The following SCMH1 variants were observed in gnomAD, a reference collection of about 807,000 sequenced individuals.
SCMH1 encodes polycomb protein SCMH1.
In SCMH1, 37 loss-of-function variants were observed where a neutral mutation model predicts 70.8. The ratio of observed to expected loss-of-function variants is 0.52; its 90% CI spans 0.40 to 0.69. The LOEUF (loss-of-function observed/expected upper bound fraction) is 0.69, where lower values mean the gene tolerates loss of function less well. SCMH1 is among the 30% of genes least tolerant of loss of function. The pLI, the probability that SCMH1 is intolerant of heterozygous loss-of-function variation, is 0.00. For synonymous variants in SCMH1, 292 were observed against 307.4 expected (o/e 0.95, Z 0.52); for missense variants, 607 against 827.3 (o/e 0.73, Z 3.27).
At chr1:41,221,326 G>GTGGTGA (rs768095956) in intron 1 of SCMH1, among the ~76,000 whole-genome samples, 69 of 152,212 alleles carry the variant, frequency 4.5e-4, no homozygotes, top group Middle Eastern at 6.8e-3. Flanking sequence ...GAAGTGGATG[G>GTGGTGA]TGGTGATGGT....
intron 1 of SCMH1, among the ~76,000 whole-genome samples, chr1:41,220,364 A>T (rs759674263): frequency 3.3e-5 from 5 of 152,232 alleles, no homozygotes; most frequent in African/African-American, 4.8e-5. Flanking sequence ...ATAATAGTTA[A>T]TTTTCCCAAA....
At chr1:41,089,435 T>C (rs974889897) in intron 8 of SCMH1, among the ~76,000 whole-genome samples, 1 of 152,238 alleles carries the variant, frequency 6.6e-6, no homozygotes, top group African/African-American at 2.4e-5. Flanking sequence ...CCATGAGCTA[T>C]AACTTGAAAA....
At chr1:41,202,477 T>C (rs552973725) in intron 1 of SCMH1, among the ~76,000 whole-genome samples, 12 of 152,322 alleles carry the variant, frequency 7.9e-5, no homozygotes, top group Non-Finnish European at 1.0e-4. Flanking sequence ...CTGGAGTCCA[T>C]TGGACCAGGA....
chr1:41,067,777 TA>T (rs1558597531), intron 10 of SCMH1, among the ~76,000 whole-genome samples: 1 of 152,088 alleles, frequency 6.6e-6, no homozygotes, highest in Non-Finnish European at 1.5e-5. Context: ...ACACCAAGAG[TA>T]AACCCAAATG....
At chr1:41,207,584 T>C (rs1026907393) in intron 1 of SCMH1, among the ~76,000 whole-genome samples, 1 of 152,166 alleles carries the variant, frequency 6.6e-6, no homozygotes, top group Non-Finnish European at 1.5e-5. Flanking sequence ...TCCCATACAA[T>C]AATAATGGGA....
intron 1 of SCMH1, among the ~76,000 whole-genome samples, chr1:41,217,984 T>C (rs1658465128): frequency 6.6e-6 from 1 of 152,172 alleles, no homozygotes; most frequent in Non-Finnish European, 1.5e-5. Flanking sequence ...TGGAAGCAAA[T>C]AGCAACTTGT....
At chr1:41,192,707 A>G (rs1398809263) in intron 1 of SCMH1, among the ~76,000 whole-genome samples, 2 of 152,154 alleles carry the variant, frequency 1.3e-5, no homozygotes, top group Non-Finnish European at 2.9e-5. Flanking sequence ...CAATCCAAAC[A>G]TTCTTGACAT....
At chr1:41,177,343 C>T (rs910118617) in intron 2 of SCMH1, among the ~76,000 whole-genome samples, 1 of 152,204 alleles carries the variant, frequency 6.6e-6, no homozygotes, top group Non-Finnish European at 1.5e-5. Flanking sequence ...CTCTCCTCCT[C>T]CAAAGGAACA....
At chr1:41,084,691 A>G (rs576861627) in intron 8 of SCMH1, among the ~76,000 whole-genome samples, 18 of 152,300 alleles carry the variant, frequency 1.2e-4, no homozygotes, top group Admixed American at 1.2e-3. Flanking sequence ...TGTTTACTGC[A>G]GCACTATTCA....
At chr1:41,197,712 C>G (rs2148704072) in intron 1 of SCMH1, among the ~76,000 whole-genome samples, 1 of 151,994 alleles carries the variant, frequency 6.6e-6, no homozygotes. Context: ...AAACAGGCAA[C>G]AGGTGGATGT....
At chr1:41,114,717 C>G (rs11209554) in intron 7 of SCMH1, among the ~76,000 whole-genome samples, 1 of 151,586 alleles carries the variant, frequency 6.6e-6, no homozygotes, top group African/African-American at 2.4e-5. Flanking sequence ...GGTTCTGTCA[C>G]CCAGGCTGGA....
At chr1:41,034,323 TTTTC>T (rs1160176685) in intron 13 of SCMH1, among the ~76,000 whole-genome samples, 3 of 151,752 alleles carry the variant, frequency 2.0e-5, no homozygotes, top group African/African-American at 7.3e-5. Context: ...ACTTTTTTTC[TTTTC>T]TTTTCTTTTT....
At chr1:41,160,096 T>C (rs1273660090) in intron 4 of SCMH1, among the ~76,000 whole-genome samples, 6 of 152,128 alleles carry the variant, frequency 3.9e-5, no homozygotes, top group Admixed American at 2.0e-4. Flanking sequence ...TCTGTGTCAC[T>C]GGGCAATGGA....
intron 6 of SCMH1, among the ~76,000 whole-genome samples, chr1:41,136,539 A>G (rs765165030): frequency 7.9e-5 from 12 of 151,732 alleles, no homozygotes; most frequent in Admixed American, 2.0e-4. Context: ...GTGCCCAGCT[A>G]ATTTTTGTAT....
chr1:41,183,657 A>G (rs1339801667), intron 2 of SCMH1, among the ~76,000 whole-genome samples: 1 of 152,224 alleles, frequency 6.6e-6, no homozygotes, highest in East Asian at 1.9e-4. Context: ...TCAAAAGAAA[A>G]AAAAAAGTTG....
intron 7 of SCMH1, among the ~76,000 whole-genome samples, chr1:41,115,442 T>C (rs1212889056): frequency 6.6e-6 from 1 of 152,196 alleles, no homozygotes; most frequent in Non-Finnish European, 1.5e-5. Flanking sequence ...ATGCATTTTA[T>C]TTATTTATTT....
intron 2 of SCMH1, among the ~76,000 whole-genome samples, chr1:41,170,282 T>A (rs1646700870): frequency 6.6e-6 from 1 of 152,182 alleles, no homozygotes; most frequent in Non-Finnish European, 1.5e-5. Context: ...GTTAAAACCC[T>A]CCTCTCCATG....
intron 8 of SCMH1, among the ~76,000 whole-genome samples, chr1:41,096,440 A>C (rs537706603): frequency 6.6e-6 from 1 of 152,220 alleles, no homozygotes; most frequent in African/African-American, 2.4e-5. Flanking sequence ...ACTTACCTAC[A>C]GATTATTGTC....
intron 5 of SCMH1, among the ~76,000 whole-genome samples, chr1:41,146,899 T>C (rs1644630498): frequency 6.6e-6 from 1 of 152,202 alleles, no homozygotes; most frequent in Admixed American, 6.5e-5. Flanking sequence ...CTCTATTTTT[T>C]TAATGAATCA....
Sources: gnomAD v4.1 joint callset for allele counts (sites outside exome capture counted in the v4.1 genomes callset) on GRCh38, gnomAD v4.1.1 for gene constraint, MANE v1.5 for transcripts, NCBI Gene and HGNC (gene_info 2026-07-23, HGNC 2026-07-21) for gene names.